AGBL1: variants seen among roughly 807,000 people sequenced by gnomAD.
The protein encoded by AGBL1 is cytosolic carboxypeptidase 4.
In AGBL1, 130 loss-of-function variants were observed where a neutral mutation model predicts 118.9. The observed-to-expected ratio is 1.09, with a 90% CI of 0.95 to 1.26. AGBL1 has a LOEUF of 1.26. Among genes scored for constraint, AGBL1 ranks in the 50% most tolerant of loss-of-function variants. The probability of loss-of-function intolerance (pLI) is 0.00; values close to 1 mark genes in which losing one functional copy is unlikely to be tolerated. For missense variants in AGBL1, 1,584 were observed against 1,298.1 expected (o/e 1.22, Z -3.38); for synonymous variants, 555 against 478.9 (o/e 1.16, Z -2.08).
intron 17 of AGBL1, chr15:86,297,048 A>C (rs977971057): frequency 1.3e-5 from 2 of 152,180 alleles, no homozygotes; most frequent in Non-Finnish European, 2.9e-5. Flanking sequence ...AAGGCCCTTA[A>C]ATAATCTGGC....
At chr15:86,158,912 C>T (rs1248373272) in intron 4 of AGBL1, 21 bp from the exon 5 acceptor site, 1 of 1,609,118 alleles carries the variant, frequency 6.2e-7, no homozygotes, top group East Asian at 2.2e-5. Flanking sequence ...ACCATAACTA[C>T]TGTGCTTTTG....
At chr15:86,618,868 G>T (rs979332834) in intron 21 of AGBL1, among the ~76,000 whole-genome samples, 4 of 152,046 alleles carry the variant, frequency 2.6e-5, no homozygotes, top group Non-Finnish European at 5.9e-5. Flanking sequence ...CTATTTTGCT[G>T]GACCCTCTGG....
chr15:86,468,216 T>G (rs2082431580), intron 18 of AGBL1, among the ~76,000 whole-genome samples: 1 of 152,164 alleles, frequency 6.6e-6, no homozygotes, highest in Non-Finnish European at 1.5e-5. Flanking sequence ...GAAGAAAGCA[T>G]TAGACAGGCA....
At chr15:86,430,550 T>C (rs999217824) in intron 18 of AGBL1, among the ~76,000 whole-genome samples, 1 of 151,550 alleles carries the variant, frequency 6.6e-6, no homozygotes, top group Non-Finnish European at 1.5e-5. Flanking sequence ...GACACTATTC[T>C]AGATCTTAGG....
chr15:86,950,074 A>G (rs1459158272), intron 23 of AGBL1, among the ~76,000 whole-genome samples: 1 of 152,060 alleles, frequency 6.6e-6, no homozygotes, highest in Non-Finnish European at 1.5e-5. Context: ...TGGAAATTAG[A>G]AAATATTTTG....
chr15:86,152,555 A>G (rs2077127847), intron 3 of AGBL1, among the ~76,000 whole-genome samples: 1 of 152,234 alleles, frequency 6.6e-6, no homozygotes, highest in African/African-American at 2.4e-5. Context: ...CTAAAACCAT[A>G]AAAACCCCAG....
intron 6 of AGBL1, among the ~76,000 whole-genome samples, chr15:86,234,468 T>G (rs906221791): frequency 6.6e-6 from 1 of 150,762 alleles, no homozygotes; most frequent in African/African-American, 2.4e-5. Context: ...GAAGAATTGC[T>G]TGAACTCTGG....
intron 22 of AGBL1, among the ~76,000 whole-genome samples, chr15:86,825,597 T>C (rs927581362): frequency 4.8e-5 from 7 of 145,498 alleles, no homozygotes; most frequent in Admixed American, 1.4e-4. Flanking sequence ...ATGAAAAATA[T>C]GTTCAGCATT....
chr15:86,784,108 G>GAAT (rs1476715766), intron 22 of AGBL1, among the ~76,000 whole-genome samples: 3 of 152,052 alleles, frequency 2.0e-5, no homozygotes, highest in African/African-American at 7.2e-5. Context: ...TGTAATATGT[G>GAAT]AATAATAATA....
intron 1 of AGBL1, among the ~76,000 whole-genome samples, chr15:86,113,753 G>A (rs1897582453): frequency 6.6e-6 from 1 of 152,150 alleles, no homozygotes; most frequent in Non-Finnish European, 1.5e-5. Flanking sequence ...TGCTCACTAT[G>A]CGAAGTGAAC....
At chr15:86,336,473 A>G (rs2080370628) in intron 17 of AGBL1, among the ~76,000 whole-genome samples, 1 of 152,236 alleles carries the variant, frequency 6.6e-6, no homozygotes, top group Admixed American at 6.5e-5. Context: ...GAGCTAAGTG[A>G]ATAATCTTCC....
chr15:86,990,359 A>G (rs374728186), intron 24 of AGBL1, among the ~76,000 whole-genome samples: 23 of 152,174 alleles, frequency 1.5e-4, no homozygotes, highest in African/African-American at 5.6e-4. Context: ...TACTAAAAAT[A>G]CAAAAATTAG....
At chr15:86,331,472 A>G (rs1321954650) in intron 17 of AGBL1, among the ~76,000 whole-genome samples, 1 of 152,138 alleles carries the variant, frequency 6.6e-6, no homozygotes, top group Non-Finnish European at 1.5e-5. Flanking sequence ...AGATGCTACA[A>G]TGATGAAAAT....
At chr15:86,802,233 T>C (rs1239346807) in intron 22 of AGBL1, among the ~76,000 whole-genome samples, 3 of 152,094 alleles carry the variant, frequency 2.0e-5, no homozygotes, top group African/African-American at 4.8e-5. Context: ...CTTTATATTA[T>C]TATTCCCATT....
intron 3 of AGBL1, among the ~76,000 whole-genome samples, chr15:86,149,642 C>A (rs1171106444): frequency 6.6e-6 from 1 of 152,142 alleles, no homozygotes; most frequent in Non-Finnish European, 1.5e-5. Flanking sequence ...TCCTTAGAGA[C>A]CTACAAGAGA....
chr15:86,878,947 G>C (rs1567220705), intron 22 of AGBL1, among the ~76,000 whole-genome samples: 1 of 152,336 alleles, frequency 6.6e-6, no homozygotes, highest in South Asian at 2.1e-4. Context: ...CCCGCCTGAA[G>C]AGAGAGCTGC....
At position 86,224,910 on chromosome 15, in the gene AGBL1, C is replaced by T. The variant is rs761684025; in HGVS notation, c.489-4C>T. 2.5e-6 allele frequency: 4 copies of T among 1,613,356 alleles called. No homozygotes were observed. In the South Asian group the frequency reaches 4.4e-5, roughly 18 times the overall value. ...GACTGTTACTTTTCTTTCTCTTTCC[C>T]CAGGGCAGCCACTGAAGTTTTGGCA... On this transcript the variant is annotated splice_region_variant and splice_polypyrimidine_tract_variant and intron_variant, in intron 5 of 22. Transcript: ENST00000614907.
chr15:86,354,923 G>T (rs773393715), intron 17 of AGBL1, among the ~76,000 whole-genome samples: 2 of 152,210 alleles, frequency 1.3e-5, no homozygotes, highest in African/African-American at 2.4e-5. Context: ...AAGGCTAAAA[G>T]CATGAAACAA....
chr15:86,388,333 C>T (rs1167987645), intron 17 of AGBL1, among the ~76,000 whole-genome samples: 1 of 152,102 alleles, frequency 6.6e-6, no homozygotes, highest in African/African-American at 2.4e-5. Flanking sequence ...GATGAAGGAG[C>T]TCCATGTAAT....
Sources: gnomAD v4.1 joint callset for allele counts (sites outside exome capture counted in the v4.1 genomes callset) on GRCh38, gnomAD v4.1.1 for gene constraint, MANE v1.5 for transcripts, NCBI Gene and HGNC (gene_info 2026-07-23, HGNC 2026-07-21) for gene names.